The following SPAG16 variants were observed in gnomAD, a reference collection of about 807,000 sequenced individuals.
The protein encoded by SPAG16 is sperm-associated antigen 16 protein.
A neutral mutation model predicts 80.4 loss-of-function variants in SPAG16; 86 were observed. The ratio of observed to expected loss-of-function variants is 1.07; its 90% CI spans 0.90 to 1.28. The LOEUF (loss-of-function observed/expected upper bound fraction) is 1.28, where lower values mean the gene tolerates loss of function less well. Among genes scored for constraint, SPAG16 ranks in the 50% most tolerant of loss-of-function variants. The pLI is 0.00. For synonymous variants in SPAG16, 294 were observed against 265.9 expected (o/e 1.11, Z -1.03); for missense variants, 870 against 765.3 (o/e 1.14, Z -1.61).
intron 13 of SPAG16, among the ~76,000 whole-genome samples, chr2:214,048,892 G>A (rs536968816): frequency 3.9e-5 from 6 of 152,126 alleles, no homozygotes; most frequent in Admixed American, 1.3e-4. Context: ...TGAAATATAA[G>A]GAGAATTTAG....
intron 15 of SPAG16, among the ~76,000 whole-genome samples, chr2:214,219,478 T>C (rs946890568): frequency 3.9e-5 from 6 of 152,162 alleles, no homozygotes; most frequent in African/African-American, 1.4e-4. Context: ...GGACTGAATT[T>C]AAAAGGCTTG....
rs1691491338 is a variant in SPAG16, at chr2:214,265,415, G to T, written c.1720+116149G>T. On this transcript the variant is annotated intron_variant, in intron 15 of 15. Transcript: ENST00000331683. ...ATCTGTGTATCTTCTTTGATGGTGTGTCTGTGCAGATCTTTTGCACACTTT... is the reference window on the plus strand; with the variant it reads ...ATCTGTGTATCTTCTTTGATGGTGTTTCTGTGCAGATCTTTTGCACACTTT... 2.0e-5 allele frequency among the ~76,000 whole-genome samples: 3 copies of T among 152,022 alleles called. No individual in the cohort carries two copies. In the South Asian group the frequency reaches 6.2e-4, roughly 31 times the overall value.
intron 11 of SPAG16, among the ~76,000 whole-genome samples, chr2:213,924,570 C>T (rs144544111): frequency 4.9e-4 from 75 of 152,308 alleles, no homozygotes; most frequent in Non-Finnish European, 9.4e-4. Flanking sequence ...AGCTGCTTCT[C>T]GTCTGCCATC....
chr2:213,837,301 G>A (rs1240799793), intron 10 of SPAG16, among the ~76,000 whole-genome samples: 1 of 152,170 alleles, frequency 6.6e-6, no homozygotes, highest in Non-Finnish European at 1.5e-5. Context: ...CTTATACCAA[G>A]TATAAAAGGA....
At chr2:213,890,101 G>C (rs1429473254) in intron 11 of SPAG16, among the ~76,000 whole-genome samples, 2 of 152,000 alleles carry the variant, frequency 1.3e-5, no homozygotes, top group Admixed American at 1.3e-4. Context: ...AGCAACATCA[G>C]CCATAATTTA....
At chr2:213,880,862 T>C (rs1261066469) in intron 11 of SPAG16, among the ~76,000 whole-genome samples, 1 of 152,194 alleles carries the variant, frequency 6.6e-6, no homozygotes, top group African/African-American at 2.4e-5. Flanking sequence ...TGCCATGCCA[T>C]TTGGTTACTG....
At chr2:213,306,246 A>G (rs550896010) in intron 3 of SPAG16, among the ~76,000 whole-genome samples, 85 of 149,496 alleles carry the variant, frequency 5.7e-4, no homozygotes, top group Non-Finnish European at 1.0e-3. Context: ...TTTTTTGGCT[A>G]ATGTTTTGTC....
chr2:213,343,817 GAA>G (rs2064819480), intron 6 of SPAG16, among the ~76,000 whole-genome samples: 1 of 152,024 alleles, frequency 6.6e-6, no homozygotes, highest in African/African-American at 2.4e-5. Flanking sequence ...AAGCTGAAAA[GAA>G]ATGAGCAGGG....
intron 10 of SPAG16, among the ~76,000 whole-genome samples, chr2:213,769,869 A>G (rs933993689): frequency 1.2e-4 from 19 of 152,314 alleles, no homozygotes; most frequent in Admixed American, 6.5e-4. Context: ...CTATCAAGAC[A>G]TGGAACATTG....
At chr2:213,412,629 T>C in intron 9 of SPAG16, among the ~76,000 whole-genome samples, 1 of 149,224 alleles carries the variant, frequency 6.7e-6, no homozygotes, top group African/African-American at 2.6e-5. Context: ...TGTTTATTTT[T>C]TTTTGTTTGT....
chr2:213,589,041 A>G (rs1301051272), intron 10 of SPAG16, among the ~76,000 whole-genome samples: 2 of 152,118 alleles, frequency 1.3e-5, no homozygotes, highest in African/African-American at 4.8e-5. Context: ...ATATTAGTCA[A>G]TCATTATTTA....
At chr2:214,050,348 CA>C (rs991849400) in intron 13 of SPAG16, among the ~76,000 whole-genome samples, 4 of 151,188 alleles carry the variant, frequency 2.6e-5, no homozygotes, top group African/African-American at 9.7e-5. Context: ...CATATTTTAA[CA>C]AGCATCCTGA....
At chr2:214,288,973 T>C (rs1693593237) in intron 15 of SPAG16, among the ~76,000 whole-genome samples, 1 of 152,194 alleles carries the variant, frequency 6.6e-6, no homozygotes, top group African/African-American at 2.4e-5. Context: ...TTTCACCGTG[T>C]TAGCCAGGAT....
intron 15 of SPAG16, among the ~76,000 whole-genome samples, chr2:214,357,416 C>G (rs1008199333): frequency 6.6e-6 from 1 of 151,758 alleles, no homozygotes; most frequent in Non-Finnish European, 1.5e-5. Context: ...GGGCTACATC[C>G]TGTTCAATTT....
chr2:213,822,739 C>T (rs1232966259), intron 10 of SPAG16, among the ~76,000 whole-genome samples: 1 of 152,116 alleles, frequency 6.6e-6, no homozygotes, highest in Non-Finnish European at 1.5e-5. Context: ...ACCCCCAGCC[C>T]CCAACAGGCC....
At chr2:214,210,567 T>A (rs981500448) in intron 15 of SPAG16, among the ~76,000 whole-genome samples, 2 of 152,124 alleles carry the variant, frequency 1.3e-5, no homozygotes, top group African/African-American at 2.4e-5. Flanking sequence ...TTTCCAAAGA[T>A]CAATTGTGTT....
chr2:213,427,865 T>C (rs2070036937), intron 9 of SPAG16, among the ~76,000 whole-genome samples: 1 of 152,224 alleles, frequency 6.6e-6, no homozygotes, highest in African/African-American at 2.4e-5. Context: ...ATCAGTAAAA[T>C]ATTCAGTGTA....
intron 10 of SPAG16, among the ~76,000 whole-genome samples, chr2:213,720,232 T>C (rs2125391367): frequency 6.6e-6 from 1 of 152,048 alleles, no homozygotes; most frequent in South Asian, 2.1e-4. Context: ...AAATACCTAA[T>C]GTAGATGAGG....
chr2:214,272,123 T>C (rs923333672), intron 15 of SPAG16, among the ~76,000 whole-genome samples: 23 of 152,170 alleles, frequency 1.5e-4, no homozygotes, highest in African/African-American at 5.5e-4. Flanking sequence ...GCCATTTCTA[T>C]CTGTATAGCT....
Sources: allele counts gnomAD v4.1 joint callset (sites outside exome capture counted in the v4.1 genomes callset), GRCh38; gene constraint gnomAD v4.1.1; transcripts MANE v1.5; gene names NCBI Gene and HGNC (gene_info 2026-07-23, HGNC 2026-07-21).